LRP6: variants seen among roughly 807,000 people sequenced by gnomAD.
The protein encoded by LRP6 is LDL receptor related protein 6, also known as low-density lipoprotein receptor-related protein 6.
Under a neutral mutation model 184.1 loss-of-function variants are expected in LRP6, and 43 were observed. The ratio of observed to expected loss-of-function variants is 0.23; its 90% CI spans 0.18 to 0.30. LRP6 has a LOEUF of 0.30. Ranked by LOEUF, LRP6 falls within the 10% of genes least tolerant of loss-of-function variation. LRP6 has a pLI of 1.00. For synonymous variants in LRP6, 719 were observed against 684.9 expected, an observed-to-expected ratio of 1.05 and a Z score of -0.78; for missense variants, 1,571 against 2,005.3, an observed-to-expected ratio of 0.78 and a Z score of 4.14.
rs1380616780 is a variant in LRP6 at position 12,266,765 on chromosome 12, G to C, written c.-30C>G. ...CCTTCTCGCGTTCTCTTCTCTCACC[G>C]GCGAGGGGTGGCCAGAAGTGGGGGA... is the stretch of plus-strand genomic sequence containing the variant. On this transcript the variant is annotated 5_prime_UTR_variant, in exon 1 of 23. Coordinates refer to ENST00000261349, the MANE Select transcript of LRP6 (RefSeq NM_002336.3). The C allele has an allele frequency of 2.5e-6, 4 of 1,594,952 alleles. 1 individual carries two copies. In the South Asian group the frequency reaches 3.4e-5, roughly 13 times the overall value.
chr12:12,176,007 C>T (rs967714437), intron 7 of LRP6, among the ~76,000 whole-genome samples: 19 of 137,590 alleles, frequency 1.4e-4, no homozygotes, highest in Non-Finnish European at 2.5e-4. Context: ...CAAACGTTTT[C>T]AGCAGTAAAA....
intron 1 of LRP6, among the ~76,000 whole-genome samples, chr12:12,261,970 C>T (rs1865627160): frequency 1.3e-5 from 2 of 152,136 alleles, no homozygotes; most frequent in Admixed American, 6.6e-5. Flanking sequence ...AGGCCAGGCG[C>T]GGTGGCTCAC....
At position 12,181,212 on chromosome 12, in the gene LRP6, T is replaced by C. The variant is rs771084453; in HGVS notation, c.1204A>G (p.Ile402Val). The C allele has an allele frequency of 3.1e-6, 5 of 1,614,170 alleles. No individual in the cohort carries two copies. Among genetic ancestry groups the C allele is most frequent in the Non-Finnish European group, 4.2e-6 (5 of 1,179,996 alleles). Residue 402 changes from isoleucine (I) to valine (V), a missense_variant, in exon 6 of 23, where the codon ATT (isoleucine) becomes GTT (valine). By Grantham distance (29) the Ile-to-Val change is conservative (BLOSUM62 3). Transcript: ENST00000261349. ...ACAGCAATACCATCAGGATGGGCAA[T>C]TTGAGCAGTGACCACAAACTGACTG... ...SGSQFVVTAQ[I>V]AHPDGIAVDW...
intron 17 of LRP6, among the ~76,000 whole-genome samples, chr12:12,133,294 T>C (rs1949782979): frequency 6.6e-6 from 1 of 152,160 alleles, no homozygotes; most frequent in Non-Finnish European, 1.5e-5. Flanking sequence ...TCCCCAATGT[T>C]GGAAGTGAGG....
At chr12:12,139,030 G>T (rs777309046) in intron 15 of LRP6, 662 of 1,291,304 alleles carry the variant, frequency 5.1e-4, no homozygotes, top group Non-Finnish European at 6.3e-4. Flanking sequence ...AGACTCTGAG[G>T]AGGCAACTTC....
At position 12,149,122 on chromosome 12, in the gene LRP6, C is replaced by T; in HGVS notation, c.3026G>A (p.Ser1009Asn). 3.7e-6 allele frequency: 6 copies of T among 1,613,858 alleles called. No individual in the cohort carries two copies. The highest frequency in any genetic ancestry group is 5.1e-6 in the Non-Finnish European group (6 of 1,179,982). Residue 1009 changes from serine to asparagine, a missense_variant, in exon 14 of 23, where the codon AGT becomes AAT. By Grantham distance (46) the Ser-to-Asn change is conservative. Transcript: ENST00000261349. ...ATAGGGTTGTATTTCCAGGTTCTGA[C>T]TCGGAACTGAGCTCACAACCACAGT... ...GFTVVVSSVP[S>N]QNLEIQPYDL...
At chr12:12,185,293 C>T (rs948314118) in intron 4 of LRP6, among the ~76,000 whole-genome samples, 1 of 151,896 alleles carries the variant, frequency 6.6e-6, no homozygotes, top group African/African-American at 2.4e-5. Context: ...TCTCAAAAAA[C>T]AAACAAAAAA....
At chr12:12,138,584 T>C (rs1949880439) in intron 15 of LRP6, 50 bp from the exon 16 acceptor site, 2 of 1,503,514 alleles carry the variant, frequency 1.3e-6, no homozygotes, top group Non-Finnish European at 1.9e-6. Context: ...GGTCAAGTTA[T>C]ACTTTTGGTA....
chr12:12,186,316 AGGT>A, intron 4 of LRP6, among the ~76,000 whole-genome samples: 1 of 152,252 alleles, frequency 6.6e-6, no homozygotes. Context: ...AAAAAGGCTG[AGGT>A]GGTCTGTAGT....
At chr12:12,161,517 G>A (rs779840290) in intron 10 of LRP6, among the ~76,000 whole-genome samples, 1 of 152,008 alleles carries the variant, frequency 6.6e-6, no homozygotes, top group Non-Finnish European at 1.5e-5. Context: ...ATCTGCCCAC[G>A]CCTCGGCCTC....
intron 2 of LRP6, among the ~76,000 whole-genome samples, chr12:12,205,867 T>C (rs1035310265): frequency 6.6e-6 from 1 of 152,214 alleles, no homozygotes; most frequent in East Asian, 1.9e-4. Context: ...ATGAGCGGTA[T>C]GGACAAGATT....
chr12:12,201,931 A>G (rs992143426), intron 3 of LRP6, among the ~76,000 whole-genome samples: 10 of 152,244 alleles, frequency 6.6e-5, no homozygotes, highest in Non-Finnish European at 1.5e-4. Flanking sequence ...CCTGGTTTTC[A>G]ATACTTCTAA....
intron 11 of LRP6, 141 bp from the exon 12 acceptor site, chr12:12,159,296 C>A: frequency 1.5e-6 from 1 of 682,170 alleles, no homozygotes; most frequent in Non-Finnish European, 2.5e-6. Context: ...TAGAAAAATT[C>A]ATTTAAAAGC....
intron 7 of LRP6, among the ~76,000 whole-genome samples, chr12:12,176,339 A>G (rs926489259): frequency 6.6e-6 from 1 of 152,210 alleles, no homozygotes; most frequent in Non-Finnish European, 1.5e-5. Flanking sequence ...TTTAACACCT[A>G]CAGATAGGTG....
intron 12 of LRP6, among the ~76,000 whole-genome samples, chr12:12,152,620 A>G (rs1431792963): frequency 6.6e-6 from 1 of 152,180 alleles, no homozygotes; most frequent in African/African-American, 2.4e-5. Context: ...ACAACTTCAA[A>G]GTCTAAGGCC....
chr12:12,161,529 C>G (rs1591900740), intron 10 of LRP6, among the ~76,000 whole-genome samples: 3 of 152,182 alleles, frequency 2.0e-5, no homozygotes, highest in Admixed American at 2.0e-4. Flanking sequence ...CTCGGCCTCC[C>G]AAAGTTGCTG....
chr12:12,253,705 T>C (rs1308462963), intron 1 of LRP6, among the ~76,000 whole-genome samples: 1 of 152,050 alleles, frequency 6.6e-6, no homozygotes, highest in African/African-American at 2.4e-5. Flanking sequence ...TAGGAGATCT[T>C]TCACTTTTAA....
At chr12:12,204,988 GA>G (rs1864015008) in intron 2 of LRP6, among the ~76,000 whole-genome samples, 1 of 151,356 alleles carries the variant, frequency 6.6e-6, no homozygotes, top group Non-Finnish European at 1.5e-5. Flanking sequence ...AAAAAAAATA[GA>G]AAAACTCTTT....
rs1274067151 is a variant in LRP6 at position 12,165,412 on chromosome 12, T to C, written c.1546-117A>G. The C allele has an allele frequency of 1.9e-5, 14 of 756,446 alleles. No individual in the cohort carries two copies. In the East Asian group the frequency reaches 3.3e-4, roughly 18 times the overall value. The allele number at this position is 756,446 out of a possible 1,614,324, so 46.9% of individuals were successfully genotyped here. ...CCAAGAGTCATCTTGGTATTCCTATTACAATGCTTTCTCAAAATTACATGA... is the reference window on the plus strand; with the variant it reads ...CCAAGAGTCATCTTGGTATTCCTATCACAATGCTTTCTCAAAATTACATGA... On this transcript the variant is annotated intron_variant, in intron 7 of 22. Transcript: ENST00000261349.
Sources: gnomAD v4.1 joint callset for allele counts (sites outside exome capture counted in the v4.1 genomes callset) on GRCh38, gnomAD v4.1.1 for gene constraint, MANE v1.5 for transcripts, NCBI Gene and HGNC (gene_info 2026-07-23, HGNC 2026-07-21) for gene names.